Variants in ZFYVE16 observed in about 807,000 individuals in gnomAD.
ZFYVE16 encodes the protein zinc finger FYVE-type containing 16.
In ZFYVE16, 89 loss-of-function variants were observed where a neutral mutation model predicts 138.1. The observed-to-expected ratio is 0.64, with a 90% CI of 0.54 to 0.77. The LOEUF (loss-of-function observed/expected upper bound fraction) is 0.77. Among genes scored for constraint, ZFYVE16 ranks in the 30% least tolerant of loss-of-function variants. The pLI is 0.00. For missense variants in ZFYVE16, 1,793 were observed against 1,786.7 expected, an observed-to-expected ratio of 1.00 and a Z score of -0.06; for synonymous variants, 596 against 618.3, an observed-to-expected ratio of 0.96 and a Z score of 0.53.
At chr5:80,418,716 C>T (rs1423688131) in intron 1 of ZFYVE16, among the ~76,000 whole-genome samples, 1 of 152,120 alleles carries the variant, frequency 6.6e-6, no homozygotes. Flanking sequence ...TATGGCTTGT[C>T]TTCTTATTCT....
chr5:80,434,759 T>C (rs1390332427), intron 3 of ZFYVE16, among the ~76,000 whole-genome samples: 1 of 152,166 alleles, frequency 6.6e-6, no homozygotes. Context: ...GCATGAGTCA[T>C]GTACTTGGCC....
At chr5:80,467,587 A>G (rs1001765973) in intron 15 of ZFYVE16, among the ~76,000 whole-genome samples, 1 of 152,214 alleles carries the variant, frequency 6.6e-6, no homozygotes, top group Non-Finnish European at 1.5e-5. Flanking sequence ...ATTTTACAGA[A>G]TTAGTTCAAA....
rs1474327020 is a variant in ZFYVE16, at chr5:80,482,993, G to T, written c.*5616G>T. 1.3e-5 allele frequency: 2 copies of T among 152,078 alleles called. No individual in the cohort carries two copies. The highest frequency in any genetic ancestry group is 6.6e-5 in the Admixed American group (1 of 15,262). 9.4% of individuals were successfully genotyped at this position (152,078 alleles called of 1,614,324 possible). On this transcript the variant is annotated 3_prime_UTR_variant, in exon 19 of 19. Coordinates refer to ENST00000505560, the MANE Select transcript of ZFYVE16 (RefSeq NM_001284236.3). ...AGTTCTCCTGTCTGAGCCTCCAGAG[G>T]AGTAGCTGGGATTACAGGTGCGTGG...
chr5:80,465,400 G>GTTTTTGTTTTTTT (rs1753599920), intron 15 of ZFYVE16, among the ~76,000 whole-genome samples: 1 of 26,780 alleles, frequency 3.7e-5, no homozygotes, highest in African/African-American at 1.0e-4. Flanking sequence ...CCTTTTCTTT[G>GTTTTTGTTTTTTT]TTTTTTTTTT....
intron 1 of ZFYVE16, among the ~76,000 whole-genome samples, chr5:80,414,820 G>A (rs1028871405): frequency 6.6e-6 from 1 of 152,214 alleles, no homozygotes; most frequent in Non-Finnish European, 1.5e-5. Flanking sequence ...AGAGCAGGCT[G>A]GGGTGGGAAG....
rs575124589 is a variant in ZFYVE16, at chr5:80,450,115, T to C, written c.3227-316T>C. 2.6e-5 allele frequency among the ~76,000 whole-genome samples: 4 copies of C among 152,300 alleles called. No individual in the cohort carries two copies. In the South Asian group the frequency reaches 8.3e-4, roughly 32 times the overall value. On this transcript the variant is annotated intron_variant, in intron 9 of 18. Coordinates refer to ENST00000505560, the MANE Select transcript of ZFYVE16 (RefSeq NM_001284236.3). Reference sequence around the variant, plus strand: ...TGTGACCTAATTAAAAAGGAAGTAATCATTAATAATTAATAATCCTCACTA... The same window carrying C: ...TGTGACCTAATTAAAAAGGAAGTAACCATTAATAATTAATAATCCTCACTA...
chr5:80,441,987 T>G, intron 5 of ZFYVE16: 1 of 906,630 alleles, frequency 1.1e-6, no homozygotes, highest in Non-Finnish European at 1.3e-6. Context: ...CTCATGAAAT[T>G]TATGAATGTA....
chr5:80,462,388 G>C (rs1353972025), intron 15 of ZFYVE16, among the ~76,000 whole-genome samples: 3 of 152,112 alleles, frequency 2.0e-5, no homozygotes, highest in Admixed American at 2.0e-4. Flanking sequence ...CTGAGTTAAG[G>C]GGGAAGAGCC....
At chr5:80,465,369 C>T (rs1169331510) in intron 15 of ZFYVE16, among the ~76,000 whole-genome samples, 11 of 96,954 alleles carry the variant, frequency 1.1e-4, no homozygotes, top group African/African-American at 3.4e-4. Flanking sequence ...GTCTTCTGGC[C>T]TCCATGGTTT....
At chr5:80,407,645 C>T (rs1360330523), upstream of ZFYVE16, among the ~76,000 whole-genome samples, 1 of 152,218 alleles carries the variant, frequency 6.6e-6, no homozygotes, top group Admixed American at 6.5e-5. Context: ...GGAGAGCAGG[C>T]CTAGCCCGCT....
chr5:80,471,912 C>T (rs1360221645), intron 15 of ZFYVE16, among the ~76,000 whole-genome samples: 1 of 152,148 alleles, frequency 6.6e-6, no homozygotes, highest in Non-Finnish European at 1.5e-5. Flanking sequence ...ACTCAGTCTT[C>T]AAATCTATTT....
At chr5:80,472,071 C>T (rs1754438273) in intron 15 of ZFYVE16, among the ~76,000 whole-genome samples, 1 of 152,026 alleles carries the variant, frequency 6.6e-6, no homozygotes, top group Admixed American at 6.5e-5. Flanking sequence ...GTTCCCCATG[C>T]TGTAACACTG....
At chr5:80,442,397 C>T (rs759769389) in intron 5 of ZFYVE16, among the ~76,000 whole-genome samples, 26 of 152,294 alleles carry the variant, frequency 1.7e-4, no homozygotes, top group South Asian at 6.2e-4. Flanking sequence ...CATGAGCCAC[C>T]GTGCCTGGTC....
At chr5:80,408,470 C>A (rs1274732445) in intron 1 of ZFYVE16, among the ~76,000 whole-genome samples, 1 of 152,184 alleles carries the variant, frequency 6.6e-6, no homozygotes. Flanking sequence ...GGGGGAGAGA[C>A]CCCAGCGGAC....
chr5:80,432,672 T>A (rs532920365), intron 2 of ZFYVE16, among the ~76,000 whole-genome samples: 1 of 151,992 alleles, frequency 6.6e-6, no homozygotes, highest in South Asian at 2.1e-4. Flanking sequence ...GGAGAAAATT[T>A]TTGCAATCTA....
At chr5:80,441,232 C>T (rs1580235059) in intron 5 of ZFYVE16, 8 of 985,194 alleles carry the variant, frequency 8.1e-6, no homozygotes, top group South Asian at 4.7e-5. Context: ...AGATTTGAAA[C>T]GTTATTTATG....
At position 80,474,806 on chromosome 5, in the gene ZFYVE16, CAG is replaced by C; in HGVS notation, c.4440_4441del (p.Arg1480SerfsTer4). 3.1e-6 allele frequency: 5 copies of C among 1,612,940 alleles called. No individual in the cohort carries two copies. Among genetic ancestry groups the C allele is most frequent in the Non-Finnish European group, 4.2e-6 (5 of 1,179,450 alleles). ...KSNGMNKIGL[R>X]VSIDTDMVEF... ...GTAATGGGATGAATAAAATTGGACT[CAG>C]AGTTTCCATTGACACTGATATGGTG... On this transcript the variant is annotated frameshift_variant, in exon 18 of 19. Transcript: ENST00000505560. LOFTEE classifies it high-confidence loss of function.
intron 1 of ZFYVE16, among the ~76,000 whole-genome samples, chr5:80,415,158 CAACTT>C (rs1249084446): frequency 1.3e-5 from 2 of 152,108 alleles, no homozygotes; most frequent in Non-Finnish European, 2.9e-5. Flanking sequence ...GATATTTTCT[CAACTT>C]TATTTTATAA....
At chr5:80,450,898 G>T (rs1051451547) in intron 10 of ZFYVE16, among the ~76,000 whole-genome samples, 1 of 142,336 alleles carries the variant, frequency 7.0e-6, no homozygotes, top group South Asian at 2.2e-4. Context: ...TGCAACCTCT[G>T]CTTCCCGGGT....
Sources: allele counts gnomAD v4.1 joint callset (sites outside exome capture counted in the v4.1 genomes callset), GRCh38; gene constraint gnomAD v4.1.1; transcripts MANE v1.5; gene names NCBI Gene and HGNC (gene_info 2026-07-23, HGNC 2026-07-21).